PROM1: variants seen among roughly 807,000 people sequenced by gnomAD.
The protein encoded by PROM1 is prominin 1.
PROM1 carries 105 observed loss-of-function variants against 116.9 expected under a neutral mutation model. The ratio of observed to expected loss-of-function variants is 0.90; its 90% CI spans 0.77 to 1.06. The LOEUF (loss-of-function observed/expected upper bound fraction) is 1.06, where lower values mean the gene tolerates loss of function less well. Ranked by LOEUF, PROM1 falls within the 50% of genes least tolerant of loss-of-function variation. PROM1 has a pLI of 0.00. For synonymous variants in PROM1, 393 were observed against 387.0 expected (o/e 1.02, Z -0.18); for missense variants, 1,122 against 1,045.2 (o/e 1.07, Z -1.01).
rs185623102 is a variant in PROM1 at position 15,997,792 on chromosome 4, T to C, written c.1682+593A>G. 1.8e-3 allele frequency among the ~76,000 whole-genome samples: 276 copies of C among 152,260 alleles called. 1 individual carries two copies. The highest frequency in any genetic ancestry group is 6.4e-3 in the African/African-American group (266 of 41,566). ...GATGAACAATATTAAGAACAGGTAT[T>C]GTTTATCAAGTCCAAATGATGTGTC... On this transcript the variant is annotated intron_variant, in intron 15 of 27. Coordinates refer to ENST00000447510, the MANE Select transcript of PROM1 (RefSeq NM_006017.3).
intron 23 of PROM1, 57 bp from the exon 24 acceptor site, chr4:15,980,594 G>A: frequency 1.0e-6 from 1 of 959,898 alleles, no homozygotes; most frequent in South Asian, 1.6e-5. Context: ...GGGAAAAACA[G>A]TTGTTTGGGG....
At chr4:15,976,737 A>G (rs1486470927) in intron 26 of PROM1, among the ~76,000 whole-genome samples, 1 of 152,096 alleles carries the variant, frequency 6.6e-6, no homozygotes, top group African/African-American at 2.4e-5. Context: ...TTGCAGGAGG[A>G]CTTATTGGAT....
At chr4:16,035,609 G>A in intron 4 of PROM1, 126 bp downstream of exon 4, 1 of 908,012 alleles carries the variant, frequency 1.1e-6, no homozygotes, top group South Asian at 1.4e-5. Context: ...TCTTCAAAGA[G>A]AAGGTTAAAA....
At position 15,989,713 on chromosome 4, in the gene PROM1, A is replaced by C. The variant is rs757730805; in HGVS notation, c.2076+19T>G. 2 of 1,563,574 alleles carry C rather than the reference A, an allele frequency of 1.3e-6. No homozygotes were observed. Among genetic ancestry groups the C allele is most frequent in the Non-Finnish European group, 1.7e-6 (2 of 1,143,584 alleles). On this transcript the variant is annotated intron_variant, in intron 19 of 27. Transcript: ENST00000447510. ...TTTGCTCAGGTCACAGTGAAATACA[A>C]TACGTCGTTGACTGTTACCAGTGAT... is the stretch of plus-strand genomic sequence containing the variant.
chr4:16,077,634 T>C (rs1244604396), intron 1 of PROM1, among the ~76,000 whole-genome samples: 1 of 151,974 alleles, frequency 6.6e-6, no homozygotes, highest in Non-Finnish European at 1.5e-5. Flanking sequence ...ACCCCTTCAA[T>C]TAACCATGCG....
intron 8 of PROM1, among the ~76,000 whole-genome samples, chr4:16,019,871 TAC>T (rs3040447): frequency 0.097 from 14,350 of 148,094 alleles, 983 homozygotes; most frequent in East Asian, 0.27. Flanking sequence ...GTGTTAAAAA[TAC>T]ACACACACAC....
At chr4:16,043,107 G>A (rs2149432907) in intron 2 of PROM1, among the ~76,000 whole-genome samples, 1 of 152,262 alleles carries the variant, frequency 6.6e-6, no homozygotes, top group Admixed American at 6.5e-5. Context: ...GATAAATATT[G>A]ATAAACAAAA....
At chr4:16,064,960 T>C (rs1741180968) in intron 2 of PROM1, among the ~76,000 whole-genome samples, 2 of 152,134 alleles carry the variant, frequency 1.3e-5, no homozygotes, top group African/African-American at 4.8e-5. Flanking sequence ...GAATCTGCAT[T>C]TATAAAAAGC....
intron 27 of PROM1, 79 bp from the exon 28 acceptor site, chr4:15,969,447 A>G (rs975614718): frequency 1.3e-5 from 2 of 152,216 alleles, no homozygotes; most frequent in African/African-American, 4.8e-5. Flanking sequence ...TAATCCTAAA[A>G]TGGTCCCCAC....
At chr4:16,022,901 G>C (rs1730261717) in intron 8 of PROM1, among the ~76,000 whole-genome samples, 1 of 152,136 alleles carries the variant, frequency 6.6e-6, no homozygotes, top group Non-Finnish European at 1.5e-5. Flanking sequence ...CTCGTCTTCT[G>C]TATCAGGGTC....
At chr4:16,020,893 G>C (rs1456755918) in intron 8 of PROM1, among the ~76,000 whole-genome samples, 2 of 152,104 alleles carry the variant, frequency 1.3e-5, no homozygotes, top group African/African-American at 4.8e-5. Context: ...GGCCCACCAG[G>C]ATCATATATG....
rs543107433 is a variant in PROM1 at position 16,078,752 on chromosome 4, C to T, written c.-212-2634G>A. On this transcript the variant is annotated intron_variant, in intron 1 of 27. Coordinates refer to ENST00000447510, the MANE Select transcript of PROM1 (RefSeq NM_006017.3). ...GCCAGAGGACCCACTACCAATATTC[C>T]AAGTCAAAGAAAGCTTTGGACAACA... Among the ~76,000 whole-genome samples, 190 of 152,304 alleles carry T rather than the reference C, an allele frequency of 1.2e-3. 3 individuals carry two copies. Among genetic ancestry groups the T allele is most frequent in the Admixed American group, 1.1e-3 (17 of 15,304 alleles).
intron 5 of PROM1, among the ~76,000 whole-genome samples, chr4:16,027,203 A>G (rs879923089): frequency 1.4e-4 from 21 of 152,154 alleles, no homozygotes; most frequent in Middle Eastern, 3.2e-3. Flanking sequence ...TTTGGGAGTC[A>G]ATGCACTACA....
chr4:15,972,374 G>A (rs1283482090), intron 26 of PROM1, among the ~76,000 whole-genome samples: 3 of 152,174 alleles, frequency 2.0e-5, no homozygotes, highest in Non-Finnish European at 4.4e-5. Context: ...ATCTGGTGAG[G>A]GCTTTCATGA....
In PROM1 at chr4:16,025,184, G is replaced by C; in HGVS notation, c.630+8C>G. 1 of 1,613,392 alleles carries C rather than the reference G, an allele frequency of 6.2e-7. No homozygotes were observed. Among genetic ancestry groups the C allele is most frequent in the Non-Finnish European group, 8.5e-7 (1 of 1,179,454 alleles). ...AGCATCGCGGTACATAGAGATGATGGTTTTTACCTCTGGAGTTTCATTCAA... is the reference window on the plus strand; with the variant it reads ...AGCATCGCGGTACATAGAGATGATGCTTTTTACCTCTGGAGTTTCATTCAA... On this transcript the variant is annotated splice_region_variant and intron_variant, in intron 6 of 27. Transcript: ENST00000447510.
intron 8 of PROM1, 48 bp from the exon 9 acceptor site, chr4:16,018,588 C>A: frequency 6.6e-7 from 1 of 1,519,982 alleles, no homozygotes; most frequent in Non-Finnish European, 9.0e-7. Flanking sequence ...AGTCCCTCCT[C>A]ATCTACAAAA....
Position 16,025,296 on chromosome 4 carries a change from C to T in PROM1, c.526G>A (p.Gly176Ser). The stretch of plus-strand genomic sequence containing the variant: ...CTTACCTGGTGATTTGCCACAAAAC[C>T]ATAGAAGATGCCAATGCTGCAGGAA... ...CIIISIGIFY[G>S]FVANHQVRTR... The change falls in exon 6 of 28, where the codon GGT becomes AGT. Residue 176 changes from glycine (G) to serine (S), a missense_variant. Transcript: ENST00000447510. 7 of 1,613,920 alleles carry T rather than the reference C, an allele frequency of 4.3e-6. No homozygotes were observed. The highest frequency in any genetic ancestry group is 5.9e-6 in the Non-Finnish European group (7 of 1,179,810).
Position 16,025,284 on chromosome 4 carries a change from T to A in PROM1, c.538A>T (p.Asn180Tyr). 6.2e-7 allele frequency: 1 copy of A among 1,613,980 alleles called. No individual in the cohort carries two copies. Reference protein sequence around the residue: ...SIGIFYGFVANHQVRTRIKRS... With the variant: ...SIGIFYGFVAYHQVRTRIKRS... ...TTGATCCGGGTTCTTACCTGGTGATTTGCCACAAAACCATAGAAGATGCCA... is the reference window on the plus strand; with the variant it reads ...TTGATCCGGGTTCTTACCTGGTGATATGCCACAAAACCATAGAAGATGCCA... The change falls in exon 6 of 28, where the codon AAT becomes TAT. Residue 180 changes from asparagine to tyrosine, a missense_variant. By Grantham distance (143) the Asn-to-Tyr change is moderately radical (BLOSUM62 -2). Transcript: ENST00000447510.
intron 1 of PROM1, chr4:16,082,586 C>T (rs1745241501): frequency 6.6e-6 from 1 of 152,198 alleles, no homozygotes; most frequent in Non-Finnish European, 1.5e-5. Context: ...AAGCCTCTCG[C>T]GAGCTGCGGG....
Sources: allele counts gnomAD v4.1 joint callset (sites outside exome capture counted in the v4.1 genomes callset), GRCh38; gene constraint gnomAD v4.1.1; transcripts MANE v1.5; gene names NCBI Gene and HGNC (gene_info 2026-07-23, HGNC 2026-07-21).